Variants in CSMD3 observed in about 807,000 individuals in gnomAD.
CSMD3 encodes CUB and Sushi multiple domains 3, also known as CUB and sushi domain-containing protein 3.
CSMD3 carries 177 observed loss-of-function variants against 435.2 expected under a neutral mutation model. That is an observed-to-expected ratio of 0.41 (90% CI 0.36 to 0.46). The LOEUF (loss-of-function observed/expected upper bound fraction) is 0.46, where lower values mean the gene tolerates loss of function less well. Among genes scored for constraint, CSMD3 ranks in the 20% least tolerant of loss-of-function variants. The pLI is 0.34. For missense variants in CSMD3, 4,265 were observed against 4,504.6 expected (o/e 0.95, Z 1.52); for synonymous variants, 1,656 against 1,520.5 (o/e 1.09, Z -2.07).
At chr8:112,275,127 A>C (rs1586620375) in intron 59 of CSMD3, among the ~76,000 whole-genome samples, 1 of 151,926 alleles carries the variant, frequency 6.6e-6, no homozygotes, top group South Asian at 2.1e-4. Flanking sequence ...ACCCTGGCAC[A>C]CTCACTAGAA....
At chr8:113,018,094 T>G (rs1001040532) in intron 6 of CSMD3, among the ~76,000 whole-genome samples, 1 of 152,088 alleles carries the variant, frequency 6.6e-6, no homozygotes. Flanking sequence ...CTAAGAATTT[T>G]TATTACAGTG....
At chr8:112,626,011 C>A (rs539112780) in intron 22 of CSMD3, among the ~76,000 whole-genome samples, 2 of 152,028 alleles carry the variant, frequency 1.3e-5, no homozygotes, top group South Asian at 4.2e-4. Context: ...ATTTCCATGG[C>A]AACTGTCTTG....
chr8:112,625,440 G>A (rs1834399605), intron 22 of CSMD3, among the ~76,000 whole-genome samples: 1 of 152,040 alleles, frequency 6.6e-6, no homozygotes, highest in Non-Finnish European at 1.5e-5. Context: ...ATAGTGATCA[G>A]ATTCAATTGA....
chr8:113,436,828 G>A lies in CSMD3; in HGVS notation c.27C>T (p.Ser9=), dbSNP rs990983797. Residue 9 remains serine, a synonymous_variant, in exon 1 of 71, where the codon AGC becomes AGT. Coordinates refer to ENST00000297405, the MANE Select transcript of CSMD3 (RefSeq NM_198123.2). MKGIRKGE[S]RAKESKPWEP... is the part of the protein sequence containing the mutation. ...CCCAGGGTTTGGATTCCTTTGCTCG[G>A]CTTTCCCCTTTGCGGATCCCTTTCA... The A allele has an allele frequency of 1.9e-6, 3 of 1,614,108 alleles. No individual in the cohort carries two copies. Among genetic ancestry groups the A allele is most frequent in the Non-Finnish European group, 2.5e-6 (3 of 1,180,034 alleles).
At chr8:112,965,807 G>T (rs184174437) in intron 7 of CSMD3, among the ~76,000 whole-genome samples, 2 of 151,642 alleles carry the variant, frequency 1.3e-5, no homozygotes, top group East Asian at 3.9e-4. Context: ...AAACATAAAA[G>T]AATTAGAAAT....
intron 24 of CSMD3, among the ~76,000 whole-genome samples, chr8:112,564,800 C>G (rs2131265949): frequency 6.6e-6 from 1 of 152,212 alleles, no homozygotes; most frequent in East Asian, 1.9e-4. Context: ...CTTAGAAGGT[C>G]AGAAATGCTA....
chr8:113,080,817 C>T (rs1156421430), intron 5 of CSMD3, among the ~76,000 whole-genome samples: 2 of 152,108 alleles, frequency 1.3e-5, no homozygotes, highest in East Asian at 1.9e-4. Flanking sequence ...AGATTCAACA[C>T]AATAAAAACT....
intron 27 of CSMD3, among the ~76,000 whole-genome samples, chr8:112,529,930 T>C (rs966614924): frequency 1.3e-5 from 2 of 151,940 alleles, no homozygotes; most frequent in African/African-American, 4.8e-5. Flanking sequence ...GAATCATGCA[T>C]GAACAAAATG....
intron 9 of CSMD3, among the ~76,000 whole-genome samples, chr8:112,947,542 C>A (rs1479031330): frequency 6.6e-6 from 1 of 151,414 alleles, no homozygotes; most frequent in Non-Finnish European, 1.5e-5. Context: ...ATCTAAATCC[C>A]ATGATTTTTC....
At chr8:112,253,066 C>T (rs1401630252) in intron 63 of CSMD3, among the ~76,000 whole-genome samples, 1 of 151,742 alleles carries the variant, frequency 6.6e-6, no homozygotes, top group East Asian at 1.9e-4. Context: ...TAAAAAAACT[C>T]ATATTCTTTA....
chr8:112,642,746 T>C (rs949742918), intron 20 of CSMD3, among the ~76,000 whole-genome samples: 4 of 152,114 alleles, frequency 2.6e-5, no homozygotes, highest in African/African-American at 9.7e-5. Flanking sequence ...TGCATAATTA[T>C]AGAATTTTAA....
At chr8:112,438,860 A>G (rs1814669403) in intron 32 of CSMD3, among the ~76,000 whole-genome samples, 1 of 152,198 alleles carries the variant, frequency 6.6e-6, no homozygotes, top group Admixed American at 6.5e-5. Flanking sequence ...AAGCTTTTAC[A>G]CCACATTTCT....
At chr8:112,922,065 G>T (rs1182984396) in intron 9 of CSMD3, among the ~76,000 whole-genome samples, 2 of 151,918 alleles carry the variant, frequency 1.3e-5, no homozygotes, top group Non-Finnish European at 2.9e-5. Flanking sequence ...ATCATATTAC[G>T]GTGTTTTTCT....
At chr8:113,072,101 ATGGTT>A (rs1324160631) in intron 5 of CSMD3, among the ~76,000 whole-genome samples, 1 of 151,668 alleles carries the variant, frequency 6.6e-6, no homozygotes, top group African/African-American at 2.4e-5. Context: ...TCCTTATCAT[ATGGTT>A]TGTTGTTTCA....
At chr8:113,427,213 T>C (rs543237088) in intron 1 of CSMD3, among the ~76,000 whole-genome samples, 25 of 151,486 alleles carry the variant, frequency 1.7e-4, no homozygotes, top group Admixed American at 3.3e-4. Context: ...CACAAGAAAA[T>C]GTAATGCTAA....
intron 6 of CSMD3, among the ~76,000 whole-genome samples, chr8:113,006,223 A>G (rs1054542754): frequency 1.3e-5 from 2 of 152,026 alleles, no homozygotes; most frequent in Admixed American, 6.6e-5. Context: ...TTAAAATCCT[A>G]TTACTTTGTT....
intron 5 of CSMD3, among the ~76,000 whole-genome samples, chr8:113,049,808 A>C (rs2088007399): frequency 6.6e-6 from 1 of 152,222 alleles, no homozygotes; most frequent in Non-Finnish European, 1.5e-5. Flanking sequence ...AATATTGATA[A>C]AGAGAATATT....
chr8:112,385,909 AG>A (rs78825035), intron 36 of CSMD3, among the ~76,000 whole-genome samples: 27,972 of 152,108 alleles, frequency 0.18, 3,091 homozygotes, highest in Middle Eastern at 0.34. Context: ...TGGAGATATC[AG>A]GTTCTGATCT....
intron 6 of CSMD3, among the ~76,000 whole-genome samples, chr8:112,988,767 C>A (rs767038696): frequency 3.3e-5 from 5 of 151,984 alleles, no homozygotes; most frequent in Admixed American, 1.3e-4. Flanking sequence ...GACATTTACA[C>A]CAGAGACTCA....
Sources: gnomAD v4.1 joint callset for allele counts (sites outside exome capture counted in the v4.1 genomes callset) on GRCh38, gnomAD v4.1.1 for gene constraint, MANE v1.5 for transcripts, NCBI Gene and HGNC (gene_info 2026-07-23, HGNC 2026-07-21) for gene names.